Variants in THEMIS observed in about 807,000 individuals in gnomAD.
THEMIS encodes the protein thymocyte selection associated.
THEMIS carries 37 observed loss-of-function variants against 52.6 expected under a neutral mutation model. The ratio of observed to expected loss-of-function variants is 0.70; its 90% confidence interval spans 0.54 to 0.93. The LOEUF (loss-of-function observed/expected upper bound fraction) is 0.93, where lower values mean the gene tolerates loss of function less well. Ranked by LOEUF, THEMIS falls within the 40% of genes least tolerant of loss-of-function variation. THEMIS has a pLI of 0.00. For missense variants in THEMIS, 808 were observed against 763.1 expected, an observed-to-expected ratio of 1.06 and a Z score of -0.69; for synonymous variants, 292 against 272.7, an observed-to-expected ratio of 1.07 and a Z score of -0.70.
chr6:127,800,260 G>T (rs779069491), intron 4 of THEMIS, among the ~76,000 whole-genome samples: 18 of 152,038 alleles, frequency 1.2e-4, no homozygotes, highest in African/African-American at 2.7e-4. Context: ...TTATATTTTA[G>T]ATTTTTTAAT....
At chr6:127,702,507 A>C in the THEMIS span, among the ~76,000 whole-genome samples, 1 of 151,926 alleles carries the variant, frequency 6.6e-6, no homozygotes, top group Non-Finnish European at 1.5e-5. Flanking sequence ...AACTCTTCTC[A>C]GTGTTTTTTA....
At chr6:127,717,044 C>T (rs1243942023) in intron 5 of THEMIS, among the ~76,000 whole-genome samples, 4 of 151,926 alleles carry the variant, frequency 2.6e-5, no homozygotes, top group African/African-American at 4.8e-5. Context: ...AACATCAAGT[C>T]GCCACAGCCA....
chr6:127,705,461 C>G (rs1773787700), downstream of THEMIS, among the ~76,000 whole-genome samples: 1 of 152,150 alleles, frequency 6.6e-6, no homozygotes, highest in African/African-American at 2.4e-5. Flanking sequence ...TTGCCTGTCA[C>G]AAAGACCAAT....
At chr6:127,798,815 C>G (rs1360106352) in intron 4 of THEMIS, among the ~76,000 whole-genome samples, 1 of 151,436 alleles carries the variant, frequency 6.6e-6, no homozygotes, top group African/African-American at 2.4e-5. Context: ...ACGGTGAAAC[C>G]CTGTCTCTAC....
chr6:127,705,031 G>A (rs1249359928), downstream of THEMIS, among the ~76,000 whole-genome samples: 4 of 152,180 alleles, frequency 2.6e-5, no homozygotes, highest in Non-Finnish European at 4.4e-5. Flanking sequence ...TGTCCACTTT[G>A]TGTGTAAAGG....
intron 4 of THEMIS, among the ~76,000 whole-genome samples, chr6:127,803,961 G>A (rs757360123): frequency 1.1e-4 from 16 of 152,138 alleles, no homozygotes; most frequent in Non-Finnish European, 1.9e-4. Context: ...ACATATTTAA[G>A]CAGATTTTAA....
chr6:127,849,848 C>T (rs1779359711), intron 2 of THEMIS, among the ~76,000 whole-genome samples: 1 of 151,968 alleles, frequency 6.6e-6, no homozygotes, highest in African/African-American at 2.4e-5. Flanking sequence ...TAATTCATGA[C>T]TAAGACACCA....
At chr6:127,779,985 A>G (rs537176553) in intron 4 of THEMIS, among the ~76,000 whole-genome samples, 2 of 152,142 alleles carry the variant, frequency 1.3e-5, no homozygotes, top group African/African-American at 2.4e-5. Flanking sequence ...TCTGTCTAAT[A>G]TGGGCAGCAG....
Position 127,709,390 on chromosome 6 carries a change from C to T in THEMIS, c.*595G>A, listed in dbSNP as rs1185197872. 1 of 151,966 alleles carries T rather than the reference C, an allele frequency of 6.6e-6. No homozygotes were observed. The highest frequency in any genetic ancestry group is 1.5e-5 in the Non-Finnish European group (1 of 67,940). The allele number at this position is 151,966 out of a possible 1,614,324, so 9.4% of individuals were successfully genotyped here. On this transcript the variant is annotated 3_prime_UTR_variant, in exon 6 of 6. Coordinates refer to ENST00000368248, the MANE Select transcript of THEMIS (RefSeq NM_001010923.3). Reference sequence around the variant, plus strand: ...GGAAAACTCCTATGACTCTCAATGGCTTTGGCTGTTGGAATTCAAACATAT... The same window carrying T: ...GGAAAACTCCTATGACTCTCAATGGTTTTGGCTGTTGGAATTCAAACATAT...
chr6:127,720,538 TAGA>T (rs1386339777), intron 4 of THEMIS, among the ~76,000 whole-genome samples: 2 of 151,974 alleles, frequency 1.3e-5, no homozygotes, highest in East Asian at 3.9e-4. Flanking sequence ...AAGTCCAGAC[TAGA>T]AGTTTGTCAA....
upstream of THEMIS, among the ~76,000 whole-genome samples, chr6:127,902,295 AG>A (rs1373250184): frequency 7.0e-6 from 1 of 143,554 alleles, no homozygotes; most frequent in Middle Eastern, 4.1e-3. Context: ...ACTGCATTCC[AG>A]GCTGAATGAC....
intron 1 of THEMIS, among the ~76,000 whole-genome samples, chr6:127,879,177 T>C (rs270024): frequency 0.65 from 99,255 of 152,026 alleles, 32,607 homozygotes; most frequent in East Asian, 0.8. Context: ...AATTTCGGTG[T>C]TCTAATTATT....
intron 4 of THEMIS, among the ~76,000 whole-genome samples, chr6:127,723,922 G>A (rs1160857086): frequency 1.3e-5 from 2 of 152,136 alleles, no homozygotes; most frequent in African/African-American, 4.8e-5. Flanking sequence ...AACTATGCAT[G>A]CCCTGTTCAC....
chr6:127,891,429 G>T (rs571192915), intron 1 of THEMIS, among the ~76,000 whole-genome samples: 1 of 151,370 alleles, frequency 6.6e-6, no homozygotes, highest in East Asian at 2.0e-4. Context: ...CCAGCTACTC[G>T]TGAGACTGAG....
rs532363757 is a variant in THEMIS at position 127,820,126 on chromosome 6, G to A, written c.710-6195C>T. Among the ~76,000 whole-genome samples, 217 of 151,998 alleles carry A rather than the reference G, an allele frequency of 1.4e-3. 1 individual carries two copies. Among genetic ancestry groups the A allele is most frequent in the African/African-American group, 4.8e-3 (200 of 41,462 alleles). ...TTGTAAATATATATTACAAACTCTA[G>A]GGTAACAACTAAAAATGTTTTTTAC... is the stretch of plus-strand genomic sequence containing the variant. On this transcript the variant is annotated intron_variant, in intron 3 of 5. Transcript: ENST00000368248.
At chr6:127,842,253 GA>G (rs1472320626) in intron 2 of THEMIS, among the ~76,000 whole-genome samples, 5 of 151,906 alleles carry the variant, frequency 3.3e-5, no homozygotes, top group Non-Finnish European at 7.4e-5. Context: ...AATAGTAGAT[GA>G]AAATACAATG....
chr6:127,715,248 A>C (rs1451000584), intron 5 of THEMIS, among the ~76,000 whole-genome samples: 2 of 151,954 alleles, frequency 1.3e-5, no homozygotes, highest in Admixed American at 1.3e-4. Context: ...TGTTTATATT[A>C]TAAGAAATCT....
intron 2 of THEMIS, among the ~76,000 whole-genome samples, chr6:127,832,294 GTGTC>G (rs1778721476): frequency 6.6e-6 from 1 of 152,156 alleles, no homozygotes; most frequent in African/African-American, 2.4e-5. Context: ...CAAGAAAAAT[GTGTC>G]TGTGAATCTG....
intron 3 of THEMIS, among the ~76,000 whole-genome samples, chr6:127,815,473 A>T (rs1326654638): frequency 6.6e-6 from 1 of 152,314 alleles, no homozygotes; most frequent in East Asian, 1.9e-4. Flanking sequence ...CTGTGTAATT[A>T]TAGAGTTTCT....
Sources: gnomAD v4.1 joint callset for allele counts (sites outside exome capture counted in the v4.1 genomes callset) on GRCh38, gnomAD v4.1.1 for gene constraint, MANE v1.5 for transcripts, NCBI Gene and HGNC (gene_info 2026-07-23, HGNC 2026-07-21) for gene names.